PTGR1: variants seen among roughly 807,000 people sequenced by gnomAD.
The protein encoded by PTGR1 is prostaglandin reductase 1, also known as 15-oxoprostaglandin 13-reductase.
PTGR1 carries 23 observed loss-of-function variants against 37.7 expected under a neutral mutation model. The observed-to-expected ratio is 0.61, with a 90% confidence interval of 0.44 to 0.86. PTGR1 has a LOEUF of 0.86. PTGR1 is among the 40% of genes least tolerant of loss of function. The pLI is 0.00. For missense variants in PTGR1, 351 were observed against 394.3 expected, an observed-to-expected ratio of 0.89 and a Z score of 0.93; for synonymous variants, 134 against 140.0, an observed-to-expected ratio of 0.96 and a Z score of 0.30.
At chr9:111,593,115 G>A (rs1235991114) in intron 3 of PTGR1, 133 bp from the exon 4 acceptor site, 54 of 1,371,402 alleles carry the variant, frequency 3.9e-5, no homozygotes, top group Non-Finnish European at 3.8e-5. Context: ...AAGTGTATGC[G>A]GCAATAAAAC....
chr9:111,597,137 C>T (rs1829804582), intron 2 of PTGR1, among the ~76,000 whole-genome samples, 180 bp downstream of exon 2: 2 of 152,128 alleles, frequency 1.3e-5, no homozygotes, highest in South Asian at 4.1e-4. Flanking sequence ...AACCATTTAC[C>T]CCAGATGAGA....
chr9:111,549,827 CTT>C (rs1185546639), intron 9 of PTGR1: 6 of 1,393,818 alleles, frequency 4.3e-6, no homozygotes, highest in Non-Finnish European at 6.0e-6. Flanking sequence ...ACATTTAGCT[CTT>C]TGAGCATCTT....
intron 9 of PTGR1, among the ~76,000 whole-genome samples, chr9:111,566,135 A>G (rs1828550942): frequency 6.6e-6 from 1 of 152,096 alleles, no homozygotes; most frequent in African/African-American, 2.4e-5. Context: ...CCCAGGAAGT[A>G]GAGGTTGCAG....
downstream of PTGR1, among the ~76,000 whole-genome samples, chr9:111,559,067 T>C (rs950666827): frequency 6.6e-6 from 1 of 152,078 alleles, no homozygotes; most frequent in Non-Finnish European, 1.5e-5. Flanking sequence ...CTCTGTCTGC[T>C]CATGCTGGGC....
chr9:111,571,770 T>C (rs1828831826), intron 8 of PTGR1, among the ~76,000 whole-genome samples: 1 of 152,114 alleles, frequency 6.6e-6, no homozygotes, highest in Non-Finnish European at 1.5e-5. Context: ...TCCCAAAATA[T>C]TGGGATTACA....
At chr9:111,567,933 C>A (rs533373282) in intron 9 of PTGR1, among the ~76,000 whole-genome samples, 1 of 152,152 alleles carries the variant, frequency 6.6e-6, no homozygotes, top group Non-Finnish European at 1.5e-5. Flanking sequence ...TAATTTCTTA[C>A]GCCTGTCTTA....
chr9:111,584,657 G>A (rs1829379626), intron 5 of PTGR1, among the ~76,000 whole-genome samples: 1 of 152,094 alleles, frequency 6.6e-6, no homozygotes, highest in South Asian at 2.1e-4. Flanking sequence ...AAGGAAAGGG[G>A]GAAAGGATCT....
chr9:111,569,493 T>C lies in PTGR1; in HGVS notation c.879+598A>G, dbSNP rs115810724. 7.2e-3 allele frequency among the ~76,000 whole-genome samples: 1,091 copies of C among 152,282 alleles called. 12 individuals are homozygous for C. The highest frequency in any genetic ancestry group is 0.024 in the African/African-American group (1,017 of 41,562). On this transcript the variant is annotated intron_variant, in intron 9 of 9. Transcript: ENST00000407693. Reference sequence around the variant, plus strand: ...CCCTGTGACCTTGACAAAAGTTAATTTTGGCCAGGTGCGGTGGCTCACAAC... The same window carrying C: ...CCCTGTGACCTTGACAAAAGTTAATCTTGGCCAGGTGCGGTGGCTCACAAC...
At chr9:111,555,128 C>T (rs1014934595) in intron 9 of PTGR1, among the ~76,000 whole-genome samples, 3 of 152,140 alleles carry the variant, frequency 2.0e-5, no homozygotes, top group African/African-American at 7.2e-5. Flanking sequence ...CAGACTTCCA[C>T]TTAGTATCCT....
At chr9:111,583,320 G>C (rs1168768874) in intron 6 of PTGR1, 152 bp downstream of exon 6, 1 of 672,088 alleles carries the variant, frequency 1.5e-6, no homozygotes, top group Admixed American at 2.6e-5. Context: ...CTTTGGTATA[G>C]TTTTCCCCAT....
chr9:111,574,774 T>G lies in PTGR1; in HGVS notation c.720A>C (p.Gly240=). The G allele has an allele frequency of 1.2e-6, 2 of 1,613,948 alleles. No homozygotes were observed. The highest frequency in any genetic ancestry group is 1.7e-6 in the Non-Finnish European group (2 of 1,179,920). ...CGGTTCTGTTATATGTAGAGATGGC[T>G]CCACATATGGCAATCCTTCCAAATT... ...MKKFGRIAIC[G]AISTYNRTGP... is the part of the protein sequence containing the mutation. The change falls in exon 8 of 10, where the codon GGA becomes GGC. Residue 240 remains glycine (G), a synonymous_variant. Coordinates refer to ENST00000407693, the MANE Select transcript of PTGR1 (RefSeq NM_001146108.2).
At chr9:111,578,067 C>T (rs1829139194) in intron 7 of PTGR1, among the ~76,000 whole-genome samples, 1 of 151,938 alleles carries the variant, frequency 6.6e-6, no homozygotes, top group Non-Finnish European at 1.5e-5. Context: ...AAAACATTGA[C>T]TTCTACACGT....
Position 111,583,453 on chromosome 9 carries a change from A to C in PTGR1, c.495+19T>G, listed in dbSNP as rs1343016128. ...AATGGGTTTTGAATAAAGGCTTGTT[A>C]CTGGAGAAAGGCACTTACCTTGAGC... is the stretch of plus-strand genomic sequence containing the variant. On this transcript the variant is annotated intron_variant, in intron 6 of 9. Transcript: ENST00000407693. 1.9e-6 allele frequency: 3 copies of C among 1,558,098 alleles called. No homozygotes were observed. The African/African-American group carries it at 4.1e-5, about 21-fold the overall frequency.
At position 111,572,900 on chromosome 9, in the gene PTGR1, G is replaced by A. The variant is rs561028826; in HGVS notation, c.760+1834C>T. Among the ~76,000 whole-genome samples the A allele has an allele frequency of 7.9e-5, 12 of 152,090 alleles. No individual in the cohort carries two copies. In the South Asian group the frequency reaches 1.5e-3, roughly 18 times the overall value. On this transcript the variant is annotated intron_variant, in intron 8 of 9. Coordinates refer to ENST00000407693, the MANE Select transcript of PTGR1 (RefSeq NM_001146108.2). ...TGAAATGCTGTTTCTGGATTTGTGC[G>A]TGTTGATGAGAATGTTGGTTTTTGT...
At chr9:111,577,807 T>G (rs1829125133) in intron 7 of PTGR1, 1 of 152,172 alleles carries the variant, frequency 6.6e-6, no homozygotes, top group Non-Finnish European at 1.5e-5. Flanking sequence ...ATCACACCAC[T>G]GCACTCCAGC....
downstream of PTGR1, among the ~76,000 whole-genome samples, chr9:111,561,424 C>A (rs1411664031): frequency 6.6e-6 from 1 of 151,976 alleles, no homozygotes; most frequent in Non-Finnish European, 1.5e-5. Context: ...TATAGGCACA[C>A]ACCATGCCCA....
At chr9:111,558,549 A>G (rs1828188547), downstream of PTGR1, among the ~76,000 whole-genome samples, 1 of 152,186 alleles carries the variant, frequency 6.6e-6, no homozygotes, top group Non-Finnish European at 1.5e-5. Flanking sequence ...CTCATCTTGT[A>G]TCTTCCCTAC....
intron 9 of PTGR1, among the ~76,000 whole-genome samples, chr9:111,567,436 T>C (rs1182088685): frequency 3.3e-5 from 5 of 152,136 alleles, no homozygotes; most frequent in Admixed American, 6.6e-5. Flanking sequence ...CCACCTGCCT[T>C]GGCCTCCCAA....
At chr9:111,573,348 T>G (rs755417367) in intron 8 of PTGR1, among the ~76,000 whole-genome samples, 4 of 152,218 alleles carry the variant, frequency 2.6e-5, no homozygotes, top group Admixed American at 6.5e-5. Flanking sequence ...GTAATGATTT[T>G]GATTTTTCAC....
Sources: gnomAD v4.1 joint callset for allele counts (sites outside exome capture counted in the v4.1 genomes callset) on GRCh38, gnomAD v4.1.1 for gene constraint, MANE v1.5 for transcripts, NCBI Gene and HGNC (gene_info 2026-07-23, HGNC 2026-07-21) for gene names.